The following MED13 variants were observed in gnomAD, a reference collection of about 807,000 sequenced individuals.
MED13 encodes the protein mediator of RNA polymerase II transcription subunit 13.
A neutral mutation model predicts 225.2 loss-of-function variants in MED13; 23 were observed. The ratio of observed to expected loss-of-function variants is 0.10; its 90% confidence interval spans 0.07 to 0.14. MED13 has a LOEUF of 0.14. Among genes scored for constraint, MED13 ranks in the 10% least tolerant of loss-of-function variants. MED13 has a pLI of 1.00. For synonymous variants in MED13, 942 were observed against 889.2 expected (o/e 1.06, Z -1.06); for missense variants, 2,197 against 2,594.5 (o/e 0.85, Z 3.33).
intron 3 of MED13, among the ~76,000 whole-genome samples, chr17:62,042,336 G>C (rs2080859378): frequency 6.6e-6 from 1 of 152,076 alleles, no homozygotes; most frequent in Non-Finnish European, 1.5e-5. Flanking sequence ...GGCCAAGGCG[G>C]GTGGATCATG....
At chr17:61,997,255 C>T (rs1169034673) in intron 9 of MED13, among the ~76,000 whole-genome samples, 1 of 152,166 alleles carries the variant, frequency 6.6e-6, no homozygotes, top group Admixed American at 6.6e-5. Flanking sequence ...ATCAAATGCT[C>T]AAATACATAT....
intron 2 of MED13, among the ~76,000 whole-genome samples, chr17:62,062,601 C>A (rs554605988): frequency 0.016 from 164 of 10,202 alleles, no homozygotes; most frequent in African/African-American, 0.031. Context: ...ACACACACAC[C>A]ACACACACAC....
chr17:61,999,743 C>G (rs2080377773), intron 9 of MED13, among the ~76,000 whole-genome samples: 1 of 152,018 alleles, frequency 6.6e-6, no homozygotes, highest in African/African-American at 2.4e-5. Flanking sequence ...TAGCCATCAC[C>G]ACCTGAAACT....
chr17:62,037,135 C>T (rs9652860), intron 3 of MED13, among the ~76,000 whole-genome samples: 9 of 152,194 alleles, frequency 5.9e-5, no homozygotes, highest in Non-Finnish European at 7.4e-5. Context: ...TGCCTGTAAT[C>T]CCAGCTACTT....
At chr17:61,960,239 T>C (rs140380171) in intron 23 of MED13, among the ~76,000 whole-genome samples, 365 of 152,250 alleles carry the variant, frequency 2.4e-3, no homozygotes, top group African/African-American at 8.3e-3. Flanking sequence ...CCAAGAATTC[T>C]AAAATGGTCA....
intron 3 of MED13, among the ~76,000 whole-genome samples, chr17:62,042,424 T>C (rs1476414725): frequency 1.3e-5 from 2 of 151,936 alleles, no homozygotes; most frequent in Non-Finnish European, 2.9e-5. Context: ...TAGCTGGGCA[T>C]GGTGGCACAC....
chr17:62,033,692 C>T lies in MED13; in HGVS notation c.814+95G>A, dbSNP rs149492044. On this transcript the variant is annotated intron_variant, in intron 5 of 29. Coordinates refer to ENST00000397786, the MANE Select transcript of MED13 (RefSeq NM_005121.3). ...GGAATAAATCTTTGGTGTTGAAAGC[C>T]ACTGAGTTATTAGACTTGTTTGTTA... 2,075 of 1,164,334 alleles carry T rather than the reference C, an allele frequency of 1.8e-3. 3 individuals carry two copies. Among genetic ancestry groups the T allele is most frequent in the Non-Finnish European group, 2.3e-3 (1,853 of 811,966 alleles). 72.1% of individuals were successfully genotyped at this position (1,164,334 alleles called of 1,614,324 possible).
intron 9 of MED13, among the ~76,000 whole-genome samples, chr17:62,009,556 T>G (rs1289339344): frequency 2.6e-5 from 4 of 152,190 alleles, no homozygotes; most frequent in African/African-American, 9.7e-5. Context: ...ATTACTGAAA[T>G]TAAATCTTGT....
rs61326861 is a variant in MED13, at chr17:61,955,855, T to TAAAAAAAAAAAAA, written c.5624-30_5624-18dup. ...AGCTCCAATCTGTGGGTATCAACAGTAAAAAAAAAAAAAAAAAAAAAAAAA... is the reference window on the plus strand; with the variant it reads ...AGCTCCAATCTGTGGGTATCAACAGTAAAAAAAAAAAAAAAAAAAAAAAAAAAAAAAAAAAAAA... On this transcript the variant is annotated splice_polypyrimidine_tract_variant and intron_variant, in intron 24 of 29. Coordinates refer to ENST00000397786, the MANE Select transcript of MED13 (RefSeq NM_005121.3). The TAAAAAAAAAAAAA allele has an allele frequency of 4.9e-6, 4 of 815,122 alleles. No homozygotes were observed. The highest frequency in any genetic ancestry group is 1.4e-4 in the Admixed American group (1 of 7,042). The allele number at this position is 815,122 out of a possible 1,614,324, so 50.5% of individuals were successfully genotyped here.
intron 16 of MED13, among the ~76,000 whole-genome samples, chr17:61,978,513 G>T (rs565443194): frequency 1.3e-5 from 2 of 152,192 alleles, no homozygotes; most frequent in South Asian, 2.1e-4. Context: ...AGCACTTTGT[G>T]GGGGGCCAAG....
At chr17:62,025,214 C>T (rs1453336654) in intron 8 of MED13, among the ~76,000 whole-genome samples, 2 of 152,144 alleles carry the variant, frequency 1.3e-5, no homozygotes, top group Non-Finnish European at 2.9e-5. Context: ...TTCAACTCTG[C>T]CATTGTGGGG....
chr17:62,003,617 A>T (rs1339674952), intron 9 of MED13: 1 of 151,144 alleles, frequency 6.6e-6, no homozygotes, highest in Non-Finnish European at 1.5e-5. Flanking sequence ...AAAAAAAAAA[A>T]AAAAGCAAAA....
Position 62,052,551 on chromosome 17 carries a change from T to C in MED13, c.456A>G (p.Lys152=). ...WFVKPYEKDE[K]PINKSEHLSC... Reference sequence around the variant, plus strand: ...AGATAGCTTACCTTTTATTTATAGGTTTTTCATCTTTTTCATAAGGCTTTA... The same window carrying C: ...AGATAGCTTACCTTTTATTTATAGGCTTTTCATCTTTTTCATAAGGCTTTA... Residue 152 remains lysine, a synonymous_variant, in exon 3 of 30, where the codon AAA becomes AAG. Transcript: ENST00000397786. 1 of 1,576,640 alleles carries C rather than the reference T, an allele frequency of 6.3e-7. No homozygotes were observed. Among genetic ancestry groups the C allele is most frequent in the Non-Finnish European group, 8.6e-7 (1 of 1,162,922 alleles).
Position 61,960,966 on chromosome 17 carries a change from T to C in MED13, c.5381A>G (p.Tyr1794Cys). The C allele has an allele frequency of 6.2e-7, 1 of 1,613,948 alleles. No individual in the cohort carries two copies. Among genetic ancestry groups the C allele is most frequent in the Non-Finnish European group, 8.5e-7 (1 of 1,179,922 alleles). ...GQKYNVLFVGYCLSHDQRWIL... is the reference protein window; with the variant it reads ...GQKYNVLFVGCCLSHDQRWIL... Reference sequence around the variant, plus strand: ...CCACCTTTGATCATGTGATAAACAGTATCCCACAAAAAGAACATTATATTT... The same window carrying C: ...CCACCTTTGATCATGTGATAAACAGCATCCCACAAAAAGAACATTATATTT... The change falls in exon 23 of 30, where the codon TAC becomes TGC. Residue 1794 changes from tyrosine to cysteine, a missense_variant. By Grantham distance (194) the Tyr-to-Cys change is radical. This residue lies in a region of MED13 where 78 missense variants were observed against 82.1 expected (regional missense o/e 0.95). Transcript: ENST00000397786.
chr17:62,025,230 G>A (rs1351916583), intron 8 of MED13, among the ~76,000 whole-genome samples: 1 of 152,202 alleles, frequency 6.6e-6, no homozygotes, highest in African/African-American at 2.4e-5. Flanking sequence ...TGGGGTAAAA[G>A]TGACCACAGA....
rs1482714849 is a variant in MED13 at position 61,972,895 on chromosome 17, G to C, written c.3806-7C>G. On this transcript the variant is annotated splice_polypyrimidine_tract_variant and splice_region_variant and intron_variant, in intron 16 of 29. Coordinates refer to ENST00000397786, the MANE Select transcript of MED13 (RefSeq NM_005121.3). ...GAGCACTGCATACTCACATCTACAA[G>C]CATTTTAAAAAAAACAAGTAATTAA... The C allele has an allele frequency of 1.3e-6, 2 of 1,563,312 alleles. No individual in the cohort carries two copies. The highest frequency in any genetic ancestry group is 1.7e-6 in the Non-Finnish European group (2 of 1,161,216).
At chr17:62,039,232 A>G (rs2080831918) in intron 3 of MED13, among the ~76,000 whole-genome samples, 3 of 152,192 alleles carry the variant, frequency 2.0e-5, no homozygotes, top group Non-Finnish European at 2.9e-5. Context: ...TCTTATTGTA[A>G]CATTCAGTGG....
chr17:62,043,896 A>G (rs2080876588), intron 3 of MED13, among the ~76,000 whole-genome samples: 1 of 152,206 alleles, frequency 6.6e-6, no homozygotes. Flanking sequence ...TGCCTAGTAG[A>G]AAATTTTAAA....
At chr17:61,965,710 T>C (rs2080051991) in intron 19 of MED13, among the ~76,000 whole-genome samples, 1 of 152,202 alleles carries the variant, frequency 6.6e-6, no homozygotes, top group Non-Finnish European at 1.5e-5. Context: ...AAATGATTAC[T>C]ATGAAAGTGT....
Sources: allele counts gnomAD v4.1 joint callset (sites outside exome capture counted in the v4.1 genomes callset), GRCh38; gene constraint gnomAD v4.1.1; regional missense constraint gnomAD v4.1.1; transcripts MANE v1.5; gene names NCBI Gene and HGNC (gene_info 2026-07-23, HGNC 2026-07-21).